The following LRIG1 variants were observed in gnomAD, a reference collection of about 807,000 sequenced individuals.
LRIG1 encodes leucine rich repeats and immunoglobulin like domains 1.
Under a neutral mutation model 99.2 loss-of-function variants are expected in LRIG1, and 48 were observed. That is an observed-to-expected ratio of 0.48 (90% CI 0.38 to 0.62). The LOEUF (loss-of-function observed/expected upper bound fraction) is 0.62. Ranked by LOEUF, LRIG1 falls within the 20% of genes least tolerant of loss-of-function variation. The pLI is 0.00. For missense variants in LRIG1, 1,646 were observed against 1,434.4 expected (o/e 1.15, Z -2.38); for synonymous variants, 772 against 596.1 (o/e 1.29, Z -4.30).
chr3:66,469,543 T>C (rs1323336392), intron 1 of LRIG1, among the ~76,000 whole-genome samples: 1 of 152,228 alleles, frequency 6.6e-6, no homozygotes, highest in Non-Finnish European at 1.5e-5. Flanking sequence ...TGCCTACCTC[T>C]GTGATCCCAT....
chr3:66,381,585 G>GTT lies in LRIG1; in HGVS notation c.2663_2664insAA (p.His888GlnfsTer118). The GTT allele has an allele frequency of 6.2e-7, 1 of 1,614,152 alleles. No homozygotes were observed. On this transcript the variant is annotated frameshift_variant, in exon 17 of 19. Coordinates refer to ENST00000273261, the MANE Select transcript of LRIG1 (RefSeq NM_015541.3). LOFTEE classifies it high-confidence loss of function. The stretch of plus-strand genomic sequence containing the variant: ...GCTTTGGCTGCCTGCAGGCAACGCT[G>GTT]TGAGTGTCGGGCTCTGGAAAGTGGC...
intron 15 of LRIG1, among the ~76,000 whole-genome samples, 192 bp downstream of exon 15, chr3:66,382,790 T>A (rs535561347): frequency 6.8e-6 from 1 of 147,416 alleles, no homozygotes; most frequent in Non-Finnish European, 1.5e-5. Context: ...TATTCCTGTT[T>A]AAGGTTAAAT....
chr3:66,409,589 A>G (rs1377261039), intron 7 of LRIG1, among the ~76,000 whole-genome samples: 1 of 152,230 alleles, frequency 6.6e-6, no homozygotes, highest in Non-Finnish European at 1.5e-5. Flanking sequence ...CTGCGGTGCA[A>G]AACAGAGAAA....
intron 1 of LRIG1, among the ~76,000 whole-genome samples, chr3:66,487,154 G>T (rs992258683): frequency 4.6e-5 from 7 of 152,128 alleles, no homozygotes; most frequent in African/African-American, 1.2e-4. Flanking sequence ...CATAATTTTT[G>T]TTTTAGGTCA....
chr3:66,383,445 G>C (rs559773211), intron 14 of LRIG1, 44 bp from the exon 15 acceptor site: 1 of 1,489,384 alleles, frequency 6.7e-7, no homozygotes, highest in Non-Finnish European at 9.0e-7. Flanking sequence ...CAGGGCCTCC[G>C]TTGCTCTGGC....
intron 8 of LRIG1, chr3:66,406,381 T>C (rs1158795525): frequency 1.4e-5 from 14 of 985,330 alleles, no homozygotes; most frequent in Non-Finnish European, 1.7e-5. Context: ...GCCCGCTCAG[T>C]CTGAATGTTC....
At chr3:66,483,329 G>A (rs1170174022) in intron 1 of LRIG1, among the ~76,000 whole-genome samples, 1 of 152,174 alleles carries the variant, frequency 6.6e-6, no homozygotes, top group African/African-American at 2.4e-5. Flanking sequence ...ATGGGGGTGG[G>A]GGCCAATGTC....
At chr3:66,452,510 G>A (rs1440845138) in intron 2 of LRIG1, among the ~76,000 whole-genome samples, 1 of 152,186 alleles carries the variant, frequency 6.6e-6, no homozygotes, top group Admixed American at 6.5e-5. Flanking sequence ...AAGTGTTCAG[G>A]CTTTCTGCCA....
chr3:66,406,151 C>T (rs772092893), intron 8 of LRIG1: 23 of 985,534 alleles, frequency 2.3e-5, no homozygotes, highest in Non-Finnish European at 2.8e-5. Context: ...GAGAGGGCAG[C>T]TCTGACTGAA....
chr3:66,496,404 A>G (rs1024345342), intron 1 of LRIG1, among the ~76,000 whole-genome samples: 1 of 152,194 alleles, frequency 6.6e-6, no homozygotes, highest in African/African-American at 2.4e-5. Flanking sequence ...TTTTCTCACG[A>G]CAACCAATAT....
chr3:66,471,739 AG>A (rs1700600705), intron 1 of LRIG1, among the ~76,000 whole-genome samples: 1 of 152,260 alleles, frequency 6.6e-6, no homozygotes, highest in Non-Finnish European at 1.5e-5. Context: ...CAAAAGGGAC[AG>A]GAAATATGGG....
intron 3 of LRIG1, among the ~76,000 whole-genome samples, chr3:66,430,190 CAAAAA>C (rs34125530): frequency 7.9e-6 from 1 of 127,380 alleles, no homozygotes; most frequent in African/African-American, 2.8e-5. Context: ...ACAACAACAA[CAAAAA>C]AAAAACACTG....
intron 8 of LRIG1, 44 bp downstream of exon 8, chr3:66,407,304 C>T (rs1702303574): frequency 1.9e-6 from 3 of 1,610,364 alleles, no homozygotes; most frequent in Middle Eastern, 1.7e-4. Flanking sequence ...ATTCTGCTCT[C>T]CCCACTGGGG....
At chr3:66,392,423 T>A (rs1302409809) in intron 12 of LRIG1, among the ~76,000 whole-genome samples, 1 of 152,160 alleles carries the variant, frequency 6.6e-6, no homozygotes, top group Non-Finnish European at 1.5e-5. Flanking sequence ...TGTAGGAGGG[T>A]TCTCCCTATC....
rs755728812 is a variant in LRIG1, at chr3:66,414,943, G to A, written c.624C>T (p.Phe208=). Residue 208 remains phenylalanine (F), a synonymous_variant, in exon 5 of 19, where the codon TTC becomes TTT. Transcript: ENST00000273261. The stretch of plus-strand genomic sequence containing the variant: ...ACAGTTGTGTCAGCCTGGGTAGCTT[G>A]AATGCTCTTACAGGAAGCTGGGTGA... ...NRITQLPVRA[F]KLPRLTQLDL... is the part of the protein sequence containing the mutation. 1 of 1,609,508 alleles carries A rather than the reference G, an allele frequency of 6.2e-7. No individual in the cohort carries two copies. The highest frequency in any genetic ancestry group is 2.2e-5 in the East Asian group (1 of 44,724).
chr3:66,444,955 A>C (rs1223074035), intron 3 of LRIG1, among the ~76,000 whole-genome samples: 1 of 151,780 alleles, frequency 6.6e-6, no homozygotes, highest in Non-Finnish European at 1.5e-5. Context: ...ATACGTGTGT[A>C]TATGTATGTG....
rs1399627828 is a variant in LRIG1 at position 66,396,399 on chromosome 3, T to TA, written c.1304+1712_1304+1713insT. 3.9e-5 allele frequency among the ~76,000 whole-genome samples: 6 copies of TA among 152,354 alleles called. No individual in the cohort carries two copies. In the East Asian group the frequency reaches 7.7e-4, roughly 20 times the overall value. The stretch of plus-strand genomic sequence containing the variant: ...GGCTCACATGGTGCATTTTCACGAT[T>TA]CCAACTCAAAGTGTGTTTCTAATCA... On this transcript the variant is annotated intron_variant, in intron 11 of 18. Coordinates refer to ENST00000273261, the MANE Select transcript of LRIG1 (RefSeq NM_015541.3).
chr3:66,492,205 A>G (rs952442172), intron 1 of LRIG1, among the ~76,000 whole-genome samples: 1 of 152,244 alleles, frequency 6.6e-6, no homozygotes, highest in East Asian at 1.9e-4. Context: ...CCTCCAGTTC[A>G]GAAGTGTTCA....
Position 66,386,051 on chromosome 3 carries a change from G to C in LRIG1, c.1719C>G (p.Gly573=). Reference sequence around the variant, plus strand: ...GGTTGGTGATGACACATTGGTAGCGGCCCTCGTGCCCGAAAGTGACCTGAC... The same window carrying C: ...GGTTGGTGATGACACATTGGTAGCGCCCCTCGTGCCCGAAAGTGACCTGAC... The part of the protein sequence containing the change: ...HLRQVTFGHE[G]RYQCVITNHF... Residue 573 remains glycine, a synonymous_variant, in exon 13 of 19, where the codon GGC becomes GGG. Coordinates refer to ENST00000273261, the MANE Select transcript of LRIG1 (RefSeq NM_015541.3). 1 of 1,614,194 alleles carries C rather than the reference G, an allele frequency of 6.2e-7. No homozygotes were observed. Among genetic ancestry groups the C allele is most frequent in the South Asian group, 1.1e-5 (1 of 91,086 alleles).
Sources: gnomAD v4.1 joint callset for allele counts (sites outside exome capture counted in the v4.1 genomes callset) on GRCh38, gnomAD v4.1.1 for gene constraint, MANE v1.5 for transcripts, NCBI Gene and HGNC (gene_info 2026-07-23, HGNC 2026-07-21) for gene names.